Variants in EIF4G3 observed in about 807,000 individuals in gnomAD.
EIF4G3 encodes eukaryotic translation initiation factor 4 gamma 3.
EIF4G3 carries 34 observed loss-of-function variants against 186.4 expected under a neutral mutation model. The observed-to-expected ratio is 0.18, with a 90% CI of 0.14 to 0.24. EIF4G3 has a LOEUF of 0.24. Ranked by LOEUF, EIF4G3 falls within the 10% of genes least tolerant of loss-of-function variation. The pLI, the probability that EIF4G3 is intolerant of heterozygous loss-of-function variation, is 1.00. For synonymous variants in EIF4G3, 673 were observed against 679.5 expected (o/e 0.99, Z 0.15); for missense variants, 1,536 against 1,948.5 (o/e 0.79, Z 3.99).
At chr1:20,825,012 C>A (rs966104925) in intron 33 of EIF4G3, 88 bp downstream of exon 33, 1 of 790,078 alleles carries the variant, frequency 1.3e-6, no homozygotes. Context: ...GCAATTTTAA[C>A]GACTGGAATA....
intron 2 of EIF4G3, among the ~76,000 whole-genome samples, chr1:21,122,954 T>C (rs1020148147): frequency 6.6e-6 from 1 of 152,172 alleles, no homozygotes; most frequent in African/African-American, 2.4e-5. Context: ...AATTACACGG[T>C]TGGAACATGA....
chr1:20,952,187 G>C (rs1240553523), intron 12 of EIF4G3, among the ~76,000 whole-genome samples: 2 of 128,046 alleles, frequency 1.6e-5, no homozygotes, highest in Admixed American at 8.7e-5. Flanking sequence ...ACGGAGTCTT[G>C]CTCTGTCACC....
At chr1:21,166,738 TAAATAAATA>T (rs1382726076) in intron 2 of EIF4G3, among the ~76,000 whole-genome samples, 13 of 152,112 alleles carry the variant, frequency 8.5e-5, no homozygotes, top group Admixed American at 6.6e-4. Context: ...CTCAAAAAAA[TAAATAAATA>T]AAATAAATAA....
chr1:20,842,957 G>A (rs542986059), intron 29 of EIF4G3, among the ~76,000 whole-genome samples: 2 of 151,254 alleles, frequency 1.3e-5, no homozygotes, highest in Admixed American at 6.6e-5. Flanking sequence ...CAATCCTCCC[G>A]CCTCAGCCTC....
rs141440089 is a variant in EIF4G3 at position 20,849,558 on chromosome 1, A to T, written c.3773-28T>A. 1.0e-3 allele frequency: 1,040 copies of T among 1,042,674 alleles called. 6 individuals carry two copies. The African/African-American group carries it at 0.015, about 15-fold the overall frequency. 64.6% of individuals were successfully genotyped at this position (1,042,674 alleles called of 1,614,324 possible). A position where few individuals can be genotyped will look rare whatever the true frequency, so the allele number is the denominator to read the frequency against. On this transcript the variant is annotated intron_variant, in intron 28 of 36. Transcript: ENST00000602326. ...ATTAGTGAGGCCCCCCAAAAAAAGT[A>T]AAAATAATAAAAATTACTATTAAAA... is the stretch of plus-strand genomic sequence containing the variant.
intron 6 of EIF4G3, among the ~76,000 whole-genome samples, chr1:21,000,236 A>C (rs925613644): frequency 6.6e-6 from 1 of 152,124 alleles, no homozygotes; most frequent in African/African-American, 2.4e-5. Context: ...TTCTTTCCAC[A>C]GTATGAATTT....
intron 19 of EIF4G3, among the ~76,000 whole-genome samples, chr1:20,884,511 T>C (rs947982974): frequency 5.9e-5 from 9 of 152,214 alleles, no homozygotes; most frequent in Admixed American, 1.3e-4. Context: ...GTTTTAACTA[T>C]CTTTATAAGC....
At chr1:21,007,624 T>C (rs181051530) in intron 4 of EIF4G3, among the ~76,000 whole-genome samples, 21 of 150,928 alleles carry the variant, frequency 1.4e-4, no homozygotes, top group African/African-American at 5.1e-4. Context: ...TGAGAGAATT[T>C]AGAATAATCT....
chr1:20,907,141 A>T (rs1389203815), intron 14 of EIF4G3, among the ~76,000 whole-genome samples: 1 of 152,192 alleles, frequency 6.6e-6, no homozygotes, highest in Non-Finnish European at 1.5e-5. Context: ...AACAAATAAT[A>T]GCAGTTCTAG....
intron 3 of EIF4G3, among the ~76,000 whole-genome samples, chr1:21,053,921 G>A (rs1191226814): frequency 6.6e-6 from 1 of 151,956 alleles, no homozygotes; most frequent in African/African-American, 2.4e-5. Context: ...CGCCCCTACT[G>A]GGAAGTGAGG....
At chr1:21,008,485 T>C (rs1273707958) in intron 4 of EIF4G3, among the ~76,000 whole-genome samples, 2 of 152,006 alleles carry the variant, frequency 1.3e-5, no homozygotes, top group Non-Finnish European at 2.9e-5. Context: ...TACAGATGCA[T>C]GCCACCACGC....
intron 2 of EIF4G3, among the ~76,000 whole-genome samples, chr1:21,171,962 G>A (rs1016682301): frequency 7.2e-5 from 11 of 152,042 alleles, no homozygotes; most frequent in African/African-American, 2.4e-4. Flanking sequence ...AGGATATTAC[G>A]AGATGCACTG....
At chr1:20,932,944 G>A (rs2095382445) in intron 14 of EIF4G3, among the ~76,000 whole-genome samples, 1 of 152,058 alleles carries the variant, frequency 6.6e-6, no homozygotes. Flanking sequence ...AAAGAGAAGT[G>A]CAATAAAATG....
intron 4 of EIF4G3, among the ~76,000 whole-genome samples, chr1:21,027,192 A>AT (rs1557598395): frequency 3.6e-5 from 4 of 110,572 alleles, no homozygotes; most frequent in African/African-American, 1.2e-4. Context: ...ACACACATAC[A>AT]ATTTTTTTTT....
intron 2 of EIF4G3, among the ~76,000 whole-genome samples, chr1:21,140,317 T>A (rs1259636965): frequency 6.6e-6 from 1 of 152,184 alleles, no homozygotes; most frequent in African/African-American, 2.4e-5. Context: ...TGGGCAAATT[T>A]TTTTTTTCTT....
chr1:20,854,844 C>A, intron 26 of EIF4G3, 134 bp downstream of exon 26: 1 of 558,560 alleles, frequency 1.8e-6, no homozygotes, highest in South Asian at 3.2e-5. Context: ...AAGGAAAGGG[C>A]TACCAATAAA....
At chr1:21,004,601 T>A (rs2084526452) in intron 4 of EIF4G3, among the ~76,000 whole-genome samples, 1 of 152,126 alleles carries the variant, frequency 6.6e-6, no homozygotes, top group African/African-American at 2.4e-5. Context: ...TTTATCACTA[T>A]CCCACGTCTA....
chr1:20,839,101 C>T (rs1428047320), intron 30 of EIF4G3, among the ~76,000 whole-genome samples: 1 of 152,136 alleles, frequency 6.6e-6, no homozygotes, highest in Non-Finnish European at 1.5e-5. Flanking sequence ...GCCTTGGTCT[C>T]CGGGTAGCTG....
At chr1:21,027,420 G>A (rs2092277709) in intron 4 of EIF4G3, among the ~76,000 whole-genome samples, 1 of 151,848 alleles carries the variant, frequency 6.6e-6, no homozygotes, top group South Asian at 2.1e-4. Context: ...CACAAGGTCA[G>A]GAGTTCGAGA....
Sources: allele counts gnomAD v4.1 joint callset (sites outside exome capture counted in the v4.1 genomes callset), GRCh38; gene constraint gnomAD v4.1.1; transcripts MANE v1.5; gene names NCBI Gene and HGNC (gene_info 2026-07-23, HGNC 2026-07-21).